Variants in MTIF3 observed in about 807,000 individuals in gnomAD.
The protein encoded by MTIF3 is mitochondrial translational initiation factor 3.
MTIF3 carries 13 observed loss-of-function variants against 20.7 expected under a neutral mutation model. The ratio of observed to expected loss-of-function variants is 0.63; its 90% CI spans 0.41 to 1.00. The LOEUF is 1.00. Ranked by LOEUF, MTIF3 falls within the 50% of genes least tolerant of loss-of-function variation. MTIF3 has a pLI of 0.00. For synonymous variants in MTIF3, 114 were observed against 112.5 expected (o/e 1.01, Z -0.08); for missense variants, 295 against 324.5 (o/e 0.91, Z 0.70).
chr13:27,448,844 G>A (rs1279851577), intron 1 of MTIF3, among the ~76,000 whole-genome samples: 1 of 152,062 alleles, frequency 6.6e-6, no homozygotes, highest in East Asian at 1.9e-4. Flanking sequence ...TTCAAGACCA[G>A]CCTGGCCGAC....
At chr13:27,444,978 T>C (rs1954129364) in intron 2 of MTIF3, 110 bp downstream of exon 2, 1 of 152,176 alleles carries the variant, frequency 6.6e-6, no homozygotes, top group South Asian at 2.1e-4. Flanking sequence ...ATACTGAATA[T>C]ACAAAAATCT....
chr13:27,440,601 C>T (rs534034996), intron 2 of MTIF3, 152 bp from the exon 3 acceptor site: 11 of 649,392 alleles, frequency 1.7e-5, no homozygotes, highest in South Asian at 1.4e-4. Flanking sequence ...GATCCACACA[C>T]AGGAAGTCTA....
intron 2 of MTIF3, among the ~76,000 whole-genome samples, chr13:27,442,234 C>T (rs1954028953): frequency 6.6e-6 from 1 of 152,172 alleles, no homozygotes; most frequent in Non-Finnish European, 1.5e-5. Context: ...AAAATACCAA[C>T]GTTATCCTTG....
chr13:27,446,126 G>A (rs778184079), intron 1 of MTIF3, among the ~76,000 whole-genome samples: 64 of 151,764 alleles, frequency 4.2e-4, no homozygotes, highest in Non-Finnish European at 7.7e-4. Flanking sequence ...GGGCAATCTC[G>A]GCTCACTGCA....
At position 27,437,099 on chromosome 13, in the gene MTIF3, G is replaced by C; in HGVS notation, c.618+17C>G. 1 of 1,606,216 alleles carries C rather than the reference G, an allele frequency of 6.2e-7. No individual in the cohort carries two copies. The highest frequency in any genetic ancestry group is 8.5e-7 in the Non-Finnish European group (1 of 1,177,132). On this transcript the variant is annotated intron_variant, in intron 4 of 4. Coordinates refer to ENST00000381120, the MANE Select transcript of MTIF3 (RefSeq NM_152912.5). ...AGACCCAAAGCACAAGCAGTGGCTT[G>C]TACCTTCTTTACTTACCATTTCATT...
intron 2 of MTIF3, among the ~76,000 whole-genome samples, chr13:27,443,863 G>A (rs1313662735): frequency 1.3e-5 from 2 of 151,768 alleles, no homozygotes; most frequent in Non-Finnish European, 2.9e-5. Flanking sequence ...TATTTCTCAA[G>A]TTTTTTTATA....
intron 3 of MTIF3, among the ~76,000 whole-genome samples, chr13:27,438,057 A>G (rs551235543): frequency 3.2e-4 from 48 of 152,332 alleles, no homozygotes; most frequent in African/African-American, 1.0e-3. Flanking sequence ...TTCACAGAAG[A>G]AAAAAGTGAA....
chr13:27,437,831 C>G (rs952243968), intron 3 of MTIF3, among the ~76,000 whole-genome samples: 2 of 152,034 alleles, frequency 1.3e-5, no homozygotes, highest in African/African-American at 4.8e-5. Flanking sequence ...CCCAGGTATA[C>G]TAATGTTCTA....
intron 3 of MTIF3, among the ~76,000 whole-genome samples, chr13:27,438,240 C>T (rs1434163553): frequency 6.9e-6 from 1 of 143,942 alleles, no homozygotes; most frequent in Admixed American, 7.4e-5. Flanking sequence ...ATAATCCCAG[C>T]ACTTTGGGAG....
At chr13:27,441,722 T>C (rs541114651) in intron 2 of MTIF3, among the ~76,000 whole-genome samples, 1 of 152,254 alleles carries the variant, frequency 6.6e-6, no homozygotes, top group East Asian at 1.9e-4. Context: ...ATGCTAGGAA[T>C]CATTAGAGAA....
At chr13:27,444,021 G>C (rs755795803) in intron 2 of MTIF3, among the ~76,000 whole-genome samples, 1 of 152,102 alleles carries the variant, frequency 6.6e-6, no homozygotes, top group Non-Finnish European at 1.5e-5. Context: ...ACTGGAAGTA[G>C]GGCCGGGTGC....
chr13:27,438,630 G>C (rs559705870), intron 3 of MTIF3, among the ~76,000 whole-genome samples: 2 of 152,006 alleles, frequency 1.3e-5, no homozygotes, highest in South Asian at 4.2e-4. Context: ...CAAGTAGCTG[G>C]GATCACAGGT....
At chr13:27,442,733 A>G (rs556812670) in intron 2 of MTIF3, among the ~76,000 whole-genome samples, 1 of 152,208 alleles carries the variant, frequency 6.6e-6, no homozygotes, top group Non-Finnish European at 1.5e-5. Context: ...TCTCTGCTCA[A>G]ACGCTACCTA....
chr13:27,440,198 T>C lies in MTIF3; in HGVS notation c.251A>G (p.Gln84Arg). 1 of 1,614,238 alleles carries C rather than the reference T, an allele frequency of 6.2e-7. No homozygotes were observed. The highest frequency in any genetic ancestry group is 8.5e-7 in the Non-Finnish European group (1 of 1,180,036). ...AFSNVGRKIS[Q>R]RVIHLFDEKG... ...CTCATCAAATAAGTGAATAACTCGCTGACTAATTTTTCTTCCAACGTTACT... is the reference window on the plus strand; with the variant it reads ...CTCATCAAATAAGTGAATAACTCGCCGACTAATTTTTCTTCCAACGTTACT... Residue 84 changes from glutamine (Q) to arginine (R), a missense_variant, in exon 3 of 5, where the codon CAG (glutamine) becomes CGG (arginine). Transcript: ENST00000381120.
At chr13:27,436,604 T>C (rs1953764882) in intron 4 of MTIF3, among the ~76,000 whole-genome samples, 1 of 152,130 alleles carries the variant, frequency 6.6e-6, no homozygotes, top group South Asian at 2.1e-4. Flanking sequence ...TAAGGAATAA[T>C]GTGTTCATAT....
At position 27,440,459 on chromosome 13, in the gene MTIF3, T is replaced by C. The variant is rs1327744323; in HGVS notation, c.-1-10A>G. The C allele has an allele frequency of 1.5e-5, 23 of 1,567,700 alleles. No homozygotes were observed. Among genetic ancestry groups the C allele is most frequent in the Admixed American group, 5.8e-5 (3 of 52,028 alleles). ...AAAAAGAGCAGCCATCCTAAGAAAGTAGTAAGAAGAGTTCATTAAAATTCA... is the reference window on the plus strand; with the variant it reads ...AAAAAGAGCAGCCATCCTAAGAAAGCAGTAAGAAGAGTTCATTAAAATTCA... On this transcript the variant is annotated splice_polypyrimidine_tract_variant and intron_variant, in intron 2 of 4. Coordinates refer to ENST00000381120, the MANE Select transcript of MTIF3 (RefSeq NM_152912.5).
At chr13:27,445,222 G>A (rs1218318112) in intron 1 of MTIF3, 66 bp from the exon 2 acceptor site, 1 of 152,202 alleles carries the variant, frequency 6.6e-6, no homozygotes, top group Non-Finnish European at 1.5e-5. Flanking sequence ...TCTCACACCT[G>A]TAATCCCAGC....
chr13:27,439,286 A>G (rs1026138694), intron 3 of MTIF3, among the ~76,000 whole-genome samples: 2 of 152,202 alleles, frequency 1.3e-5, no homozygotes, highest in African/African-American at 4.8e-5. Context: ...ACTTAAGGCC[A>G]GGAGTTCAAG....
rs1953809261 is a variant in MTIF3 at position 27,437,197 on chromosome 13, A to C, written c.537T>G (p.Ile179Met). 2 of 1,614,042 alleles carry C rather than the reference A, an allele frequency of 1.2e-6. No individual in the cohort carries two copies. The highest frequency in any genetic ancestry group is 1.7e-6 in the Non-Finnish European group (2 of 1,179,952). Reference sequence around the variant, plus strand: ...GGTGTTTTTTCTTAATCCACTGCTGAATCTGTTTAGTCTTTGTGTCCAAAT... The same window carrying C: ...GGTGTTTTTTCTTAATCCACTGCTGCATCTGTTTAGTCTTTGTGTCCAAAT... ...QHDLDTKTKQ[I>M]QQWIKKKHLV... is the part of the protein sequence containing the mutation. The change falls in exon 4 of 5, where the codon ATT becomes ATG. Residue 179 changes from isoleucine (I) to methionine (M), a missense_variant. Physicochemically the swap from Ile to Met is conservative, Grantham distance 10. Transcript: ENST00000381120.
Sources: allele counts gnomAD v4.1 joint callset (sites outside exome capture counted in the v4.1 genomes callset), GRCh38; gene constraint gnomAD v4.1.1; transcripts MANE v1.5; gene names NCBI Gene and HGNC (gene_info 2026-07-23, HGNC 2026-07-21).